Variants in SH3D19 observed in about 807,000 individuals in gnomAD.
The protein encoded by SH3D19 is SH3 domain containing 19, also known as SH3 domain-containing protein 19.
SH3D19 carries 58 observed loss-of-function variants against 112.1 expected under a neutral mutation model. The ratio of observed to expected loss-of-function variants is 0.52; its 90% CI spans 0.42 to 0.64. The LOEUF is 0.64. SH3D19 is among the 30% of genes least tolerant of loss of function. The pLI is 0.00. For synonymous variants in SH3D19, 391 were observed against 448.5 expected, an observed-to-expected ratio of 0.87 and a Z score of 1.62; for missense variants, 1,090 against 1,263.4, an observed-to-expected ratio of 0.86 and a Z score of 2.08.
At chr4:151,221,753 A>G (rs1768092155) in intron 2 of SH3D19, among the ~76,000 whole-genome samples, 1 of 152,186 alleles carries the variant, frequency 6.6e-6, no homozygotes, top group Non-Finnish European at 1.5e-5. Flanking sequence ...TTGACAGTAT[A>G]AATAAGAGAT....
At position 151,164,932 on chromosome 4, in the gene SH3D19, A is replaced by G. The variant is rs144157453; in HGVS notation, c.1642+657T>C. ...TTTAAAGCTTTGGTTACTGCTCTTC[A>G]CCGAATTCACACATAGCCATATTTG... On this transcript the variant is annotated intron_variant, in intron 8 of 19. Transcript: ENST00000604030. Among the ~76,000 whole-genome samples, 159 of 152,268 alleles carry G rather than the reference A, an allele frequency of 1.0e-3. 1 individual carries two copies. Among genetic ancestry groups the G allele is most frequent in the African/African-American group, 3.6e-3 (149 of 41,522 alleles).
At chr4:151,238,759 G>A (rs1203452840) in intron 1 of SH3D19, among the ~76,000 whole-genome samples, 1 of 151,792 alleles carries the variant, frequency 6.6e-6, no homozygotes, top group Non-Finnish European at 1.5e-5. Flanking sequence ...CTACATTAGA[G>A]TGAAAAAAAA....
At chr4:151,126,871 GAAAA>G (rs78715609) in intron 19 of SH3D19, among the ~76,000 whole-genome samples, 4 of 110,780 alleles carry the variant, frequency 3.6e-5, no homozygotes, top group Non-Finnish European at 7.3e-5. Context: ...TTTCTTCGGT[GAAAA>G]AAAAAAAAAA....
chr4:151,267,184 A>C (rs1772862539), intron 1 of SH3D19, among the ~76,000 whole-genome samples: 1 of 139,712 alleles, frequency 7.2e-6, no homozygotes, highest in Non-Finnish European at 1.6e-5. Flanking sequence ...AAATAAAATA[A>C]ATTAGTCTAG....
chr4:151,247,554 T>C (rs1771031824), intron 1 of SH3D19, among the ~76,000 whole-genome samples: 1 of 152,192 alleles, frequency 6.6e-6, no homozygotes, highest in African/African-American at 2.4e-5. Context: ...AAATGTACAA[T>C]TGGATAATTT....
chr4:151,314,174 G>A (rs1729768286), intron 1 of SH3D19, among the ~76,000 whole-genome samples: 1 of 152,192 alleles, frequency 6.6e-6, no homozygotes, highest in African/African-American at 2.4e-5. Flanking sequence ...GGGCTCATCA[G>A]CAATGCAATT....
intron 2 of SH3D19, among the ~76,000 whole-genome samples, chr4:151,192,021 T>G (rs948218936): frequency 6.7e-6 from 1 of 148,416 alleles, no homozygotes; most frequent in Non-Finnish European, 1.5e-5. Context: ...CTTGGCTCAC[T>G]GCAAGCTCCG....
At chr4:151,163,662 C>A (rs1757518531) in intron 8 of SH3D19, among the ~76,000 whole-genome samples, 1 of 151,562 alleles carries the variant, frequency 6.6e-6, no homozygotes, top group East Asian at 1.9e-4. Flanking sequence ...CTCACTGCAA[C>A]CTCCACCTCC....
intron 11 of SH3D19, among the ~76,000 whole-genome samples, chr4:151,145,835 T>C (rs749295744): frequency 6.6e-6 from 1 of 152,222 alleles, no homozygotes; most frequent in Non-Finnish European, 1.5e-5. Context: ...ACCCTGGGCA[T>C]GTTACTTTAT....
chr4:151,281,799 C>T (rs992345069), intron 1 of SH3D19, among the ~76,000 whole-genome samples: 6 of 151,892 alleles, frequency 4.0e-5, no homozygotes, highest in African/African-American at 1.5e-4. Flanking sequence ...GTCTAGTGCT[C>T]AGAACAGAAA....
chr4:151,288,110 G>T (rs1242963107), intron 1 of SH3D19, among the ~76,000 whole-genome samples: 7 of 151,700 alleles, frequency 4.6e-5, no homozygotes, highest in Admixed American at 1.3e-4. Context: ...ACTCAACAAT[G>T]AGATGAGTGG....
At chr4:151,255,647 T>G (rs1771835283) in intron 1 of SH3D19, among the ~76,000 whole-genome samples, 1 of 152,056 alleles carries the variant, frequency 6.6e-6, no homozygotes, top group Non-Finnish European at 1.5e-5. Flanking sequence ...GAGGCTGCAA[T>G]CTCGGCACTT....
intron 1 of SH3D19, among the ~76,000 whole-genome samples, chr4:151,275,109 C>T (rs1279894240): frequency 2.0e-5 from 3 of 146,958 alleles, no homozygotes; most frequent in African/African-American, 7.5e-5. Context: ...TTTTTTGAGA[C>T]GGAATCTTGC....
At chr4:151,146,837 G>A (rs1196940412) in intron 11 of SH3D19, among the ~76,000 whole-genome samples, 1 of 152,072 alleles carries the variant, frequency 6.6e-6, no homozygotes. Flanking sequence ...CAGCAACTCT[G>A]TTTTTTAACT....
chr4:151,217,656 A>ACCTTGG (rs1767347912), intron 2 of SH3D19, among the ~76,000 whole-genome samples: 1 of 150,536 alleles, frequency 6.6e-6, no homozygotes, highest in Non-Finnish European at 1.5e-5. Context: ...AATGAAAACA[A>ACCTTGG]AAAAAAAATC....
chr4:151,225,221 A>G (rs1768798177), intron 2 of SH3D19, among the ~76,000 whole-genome samples: 1 of 152,238 alleles, frequency 6.6e-6, no homozygotes, highest in Admixed American at 6.5e-5. Context: ...CAATGAGTAC[A>G]TTACTTTAAC....
intron 2 of SH3D19, among the ~76,000 whole-genome samples, chr4:151,215,112 T>G (rs918853317): frequency 2.6e-5 from 4 of 152,160 alleles, no homozygotes; most frequent in Admixed American, 2.6e-4. Context: ...CTAGCTAACT[T>G]TTAAATTTTA....
intron 11 of SH3D19, among the ~76,000 whole-genome samples, chr4:151,147,127 A>G (rs1438835002): frequency 6.6e-6 from 1 of 152,204 alleles, no homozygotes; most frequent in Non-Finnish European, 1.5e-5. Flanking sequence ...ATGTTCCCAT[A>G]ACCCCAGCTA....
intron 15 of SH3D19, among the ~76,000 whole-genome samples, 161 bp downstream of exon 15, chr4:151,134,913 C>G (rs550549028): frequency 2.5e-4 from 38 of 152,248 alleles, no homozygotes; most frequent in Non-Finnish European, 5.1e-4. Flanking sequence ...GTCTTGAACT[C>G]CTGGCATCAA....
Sources: allele counts gnomAD v4.1 joint callset (sites outside exome capture counted in the v4.1 genomes callset), GRCh38; gene constraint gnomAD v4.1.1; transcripts MANE v1.5; gene names NCBI Gene and HGNC (gene_info 2026-07-23, HGNC 2026-07-21).